Variants in CNTN5 observed in about 807,000 individuals in gnomAD.
CNTN5 encodes contactin-5.
CNTN5 carries 77 observed loss-of-function variants against 129.1 expected under a neutral mutation model. The observed-to-expected ratio is 0.60, with a 90% CI of 0.50 to 0.72. CNTN5 has a LOEUF of 0.72. Ranked by LOEUF, CNTN5 falls within the 30% of genes least tolerant of loss-of-function variation. CNTN5 has a pLI of 0.00. For missense variants in CNTN5, 1,478 were observed against 1,328.8 expected, an observed-to-expected ratio of 1.11 and a Z score of -1.75; for synonymous variants, 509 against 465.6, an observed-to-expected ratio of 1.09 and a Z score of -1.20.
At chr11:100,146,826 C>CATCT (rs1946865744) in intron 13 of CNTN5, among the ~76,000 whole-genome samples, 1 of 152,074 alleles carries the variant, frequency 6.6e-6, no homozygotes, top group Non-Finnish European at 1.5e-5. Context: ...AATGCATGAA[C>CATCT]ATCTTTAAGT....
chr11:100,311,469 T>C (rs1432196454), intron 21 of CNTN5, among the ~76,000 whole-genome samples: 2 of 151,902 alleles, frequency 1.3e-5, no homozygotes, highest in African/African-American at 4.8e-5. Flanking sequence ...AGACTGGGGA[T>C]GGAACTATAA....
chr11:100,042,143 A>G (rs1019674603), intron 9 of CNTN5, among the ~76,000 whole-genome samples: 2 of 152,154 alleles, frequency 1.3e-5, no homozygotes, highest in Non-Finnish European at 2.9e-5. Context: ...ACTTTTTCAA[A>G]GAAAAATTTT....
chr11:99,893,795 A>T (rs987165137), intron 6 of CNTN5, among the ~76,000 whole-genome samples: 1 of 152,194 alleles, frequency 6.6e-6, no homozygotes, highest in Middle Eastern at 3.2e-3. Context: ...TTATCTATCT[A>T]TATATGTGTG....
intron 10 of CNTN5, among the ~76,000 whole-genome samples, chr11:100,070,037 T>G (rs1943847560): frequency 1.3e-5 from 2 of 151,928 alleles, no homozygotes; most frequent in South Asian, 4.2e-4. Flanking sequence ...ACAAGTTGAG[T>G]AGATACACTG....
chr11:99,916,641 C>T (rs746543835), intron 7 of CNTN5, among the ~76,000 whole-genome samples: 2 of 152,080 alleles, frequency 1.3e-5, no homozygotes, highest in African/African-American at 4.8e-5. Context: ...TACTTTTTGG[C>T]TCTTTGAGGT....
intron 3 of CNTN5, among the ~76,000 whole-genome samples, chr11:99,666,936 G>A (rs1425598729): frequency 2.0e-5 from 3 of 151,904 alleles, no homozygotes; most frequent in African/African-American, 4.8e-5. Flanking sequence ...AAAATACATG[G>A]TTTTTAATTG....
At chr11:99,375,223 A>G (rs80188950) in intron 2 of CNTN5, among the ~76,000 whole-genome samples, 7,925 of 148,440 alleles carry the variant, frequency 0.053, 422 homozygotes, top group East Asian at 0.21. Flanking sequence ...GAATTGCTTG[A>G]ATCCAGGAGG....
chr11:99,653,982 T>A (rs1365454301), intron 3 of CNTN5, among the ~76,000 whole-genome samples: 2 of 148,910 alleles, frequency 1.3e-5, no homozygotes, highest in African/African-American at 2.5e-5. Context: ...TTATTTCTAT[T>A]AAAAAAAAAA....
At chr11:99,172,017 CAT>C (rs1158087215) in intron 1 of CNTN5, among the ~76,000 whole-genome samples, 1 of 152,118 alleles carries the variant, frequency 6.6e-6, no homozygotes, top group Non-Finnish European at 1.5e-5. Flanking sequence ...AAGCCAGAAA[CAT>C]AACCATTATA....
At chr11:100,052,040 C>A (rs948512041) in intron 9 of CNTN5, among the ~76,000 whole-genome samples, 3 of 151,794 alleles carry the variant, frequency 2.0e-5, no homozygotes, top group Admixed American at 6.6e-5. Context: ...CGTGGCCAAC[C>A]AACTTGGATT....
chr11:99,668,085 C>G (rs527953338), intron 3 of CNTN5, among the ~76,000 whole-genome samples: 8 of 152,242 alleles, frequency 5.3e-5, no homozygotes, highest in East Asian at 1.9e-4. Context: ...CTCACTGAAA[C>G]TGAATACTGC....
At chr11:99,972,223 T>C (rs959429371) in intron 8 of CNTN5, among the ~76,000 whole-genome samples, 1 of 151,946 alleles carries the variant, frequency 6.6e-6, no homozygotes. Flanking sequence ...ATTGCGCCAC[T>C]GCACTCCAGC....
At chr11:99,102,080 C>A (rs1866762200) in intron 1 of CNTN5, among the ~76,000 whole-genome samples, 1 of 152,140 alleles carries the variant, frequency 6.6e-6, no homozygotes, top group Admixed American at 6.5e-5. Context: ...GTGGAAGCTG[C>A]CAAGGCTTGG....
At chr11:100,247,868 T>G (rs963379028) in intron 16 of CNTN5, among the ~76,000 whole-genome samples, 1 of 152,182 alleles carries the variant, frequency 6.6e-6, no homozygotes, top group Admixed American at 6.6e-5. Context: ...TTGTACTGGA[T>G]GGTTCATTGT....
chr11:100,212,811 A>G (rs1315497743), intron 15 of CNTN5, among the ~76,000 whole-genome samples: 1 of 152,130 alleles, frequency 6.6e-6, no homozygotes, highest in Non-Finnish European at 1.5e-5. Flanking sequence ...AAATGATCTA[A>G]AAAAATTTTA....
intron 3 of CNTN5, among the ~76,000 whole-genome samples, chr11:99,751,422 G>T (rs1376351754): frequency 1.3e-5 from 2 of 152,040 alleles, no homozygotes; most frequent in Non-Finnish European, 2.9e-5. Flanking sequence ...TTAGTTCCCA[G>T]TCCCCAAAAG....
chr11:100,211,872 G>A (rs768831296), intron 15 of CNTN5, among the ~76,000 whole-genome samples: 2 of 152,136 alleles, frequency 1.3e-5, no homozygotes, highest in Admixed American at 6.5e-5. Context: ...GGAAAATTAT[G>A]TGGATATATT....
chr11:99,628,909 T>A (rs981569887), intron 3 of CNTN5, among the ~76,000 whole-genome samples: 9 of 152,092 alleles, frequency 5.9e-5, no homozygotes, highest in Non-Finnish European at 1.3e-4. Context: ...AATAATTTGC[T>A]GTTAAGATAA....
chr11:99,876,603 G>A (rs1187494722), intron 6 of CNTN5, among the ~76,000 whole-genome samples: 3 of 152,088 alleles, frequency 2.0e-5, no homozygotes, highest in Admixed American at 1.3e-4. Flanking sequence ...TTTCTTGGTC[G>A]AGTTATCAAA....
Sources: gnomAD v4.1 joint callset for allele counts (sites outside exome capture counted in the v4.1 genomes callset) on GRCh38, gnomAD v4.1.1 for gene constraint, MANE v1.5 for transcripts, NCBI Gene and HGNC (gene_info 2026-07-23, HGNC 2026-07-21) for gene names.